The following NFATC1 variants were observed in gnomAD, a reference collection of about 807,000 sequenced individuals.
The protein encoded by NFATC1 is nuclear factor of activated T cells 1, also known as nuclear factor of activated T-cells, cytoplasmic 1.
NFATC1 carries 22 observed loss-of-function variants against 76.0 expected under a neutral mutation model. That is an observed-to-expected ratio of 0.29 (90% CI 0.21 to 0.41). The LOEUF (loss-of-function observed/expected upper bound fraction) is 0.41. Ranked by LOEUF, NFATC1 falls within the 10% of genes least tolerant of loss-of-function variation. The pLI is 1.00. For missense variants in NFATC1, 1,357 were observed against 1,337.7 expected (o/e 1.01, Z -0.23); for synonymous variants, 704 against 613.1 (o/e 1.15, Z -2.19).
At chr18:79,503,320 G>T (rs2090052101) in intron 9 of NFATC1, among the ~76,000 whole-genome samples, 1 of 152,212 alleles carries the variant, frequency 6.6e-6, no homozygotes, top group South Asian at 2.1e-4. Flanking sequence ...GCTGGAGTGT[G>T]TGGCTTCCAG....
rs749770840 is a variant in NFATC1, at chr18:79,410,220, T to C, written c.128-183T>C. 1.0e-6 allele frequency: 1 copy of C among 953,604 alleles called. No individual in the cohort carries two copies. The highest frequency in any genetic ancestry group is 1.6e-6 in the Non-Finnish European group (1 of 618,650). 59.1% of individuals were successfully genotyped at this position (953,604 alleles called of 1,614,324 possible). ...GGGAGCCTTGTTGGCCAGGTGGGAC[T>C]GGGGCTGTCACTCCAAGTCGCCCGG... is the stretch of plus-strand genomic sequence containing the variant. On this transcript the variant is annotated intron_variant, in intron 1 of 9. Transcript: ENST00000427363. This position sits in a 1 kb window ranked among gnomAD's most constrained non-coding sequence, Gnocchi z 6.7.
rs1043675278 is a variant in NFATC1, at chr18:79,410,145, G to A, written c.128-258G>A. On this transcript the variant is annotated intron_variant, in intron 1 of 9. Coordinates refer to ENST00000427363, the MANE Select transcript of NFATC1 (RefSeq NM_001278669.2). The surrounding 1 kb of genome is among the most constrained non-coding windows in gnomAD (Gnocchi z 6.7). ...CTCTCCCTGGGAAGGACGTTCGGGGGCTTGTGCTGCTGTTAGGGGAGGAGG... is the reference window on the plus strand; with the variant it reads ...CTCTCCCTGGGAAGGACGTTCGGGGACTTGTGCTGCTGTTAGGGGAGGAGG... 3.9e-6 allele frequency: 3 copies of A among 759,768 alleles called. No homozygotes were observed. The highest frequency in any genetic ancestry group is 1.7e-5 in the African/African-American group (1 of 59,026). 47.1% of individuals were successfully genotyped at this position (759,768 alleles called of 1,614,324 possible). A position where few individuals can be genotyped will look rare whatever the true frequency, so the allele number is the denominator to read the frequency against.
At chr18:79,399,829 G>C (rs2085124765) in intron 1 of NFATC1, among the ~76,000 whole-genome samples, 1 of 152,130 alleles carries the variant, frequency 6.6e-6, no homozygotes, top group South Asian at 2.1e-4. Context: ...CGGCACCGTC[G>C]GGCTGAAATC....
At chr18:79,400,361 G>A (rs2085155077) in intron 1 of NFATC1, 2 of 1,284,210 alleles carry the variant, frequency 1.6e-6, no homozygotes, top group Non-Finnish European at 1.0e-6. Context: ...CCGCGACCCC[G>A]GCTCCCGCCC....
At chr18:79,513,965 C>A (rs1569046050) in intron 9 of NFATC1, among the ~76,000 whole-genome samples, 1 of 152,234 alleles carries the variant, frequency 6.6e-6, no homozygotes. Context: ...GCTGGCCGCT[C>A]ACTGTGCTTC....
rs967964287 is a variant in NFATC1, at chr18:79,489,777, G to A, written c.2782+2840G>A. 8.5e-5 allele frequency among the ~76,000 whole-genome samples: 13 copies of A among 152,202 alleles called. No individual in the cohort carries two copies. In the South Asian group the frequency reaches 1.0e-3, roughly 12 times the overall value. On this transcript the variant is annotated intron_variant, in intron 9 of 9. Transcript: ENST00000427363. ...TCCTGGGACCTTGAGCACAGACCCC[G>A]AGCGCCAGCCCTGCACACTGTTCTG... is the stretch of plus-strand genomic sequence containing the variant.
chr18:79,467,208 G>A (rs1231140436), intron 7 of NFATC1, among the ~76,000 whole-genome samples: 1 of 152,236 alleles, frequency 6.6e-6, no homozygotes, highest in Non-Finnish European at 1.5e-5. Context: ...TGTGCAGGTG[G>A]CACAGAGCAT....
At chr18:79,437,475 C>A (rs1434465018) in intron 3 of NFATC1, among the ~76,000 whole-genome samples, 1 of 148,802 alleles carries the variant, frequency 6.7e-6, no homozygotes, top group African/African-American at 2.5e-5. Flanking sequence ...GTGGGCCGGT[C>A]TGGATCTGCC....
intron 3 of NFATC1, among the ~76,000 whole-genome samples, chr18:79,447,274 C>G (rs1028758511): frequency 6.6e-6 from 1 of 152,238 alleles, no homozygotes; most frequent in East Asian, 1.9e-4. Flanking sequence ...TCCGCCGTCC[C>G]CTGGCCCGGG....
rs557954902 is a variant in NFATC1, at chr18:79,518,508, G to A, written c.2783-9020G>A. Reference sequence around the variant, plus strand: ...GGAAGTGCCTGGCACCCCCCCTCTCGCTCGTGAAAGATGCAGATCAGAGCA... The same window carrying A: ...GGAAGTGCCTGGCACCCCCCCTCTCACTCGTGAAAGATGCAGATCAGAGCA... On this transcript the variant is annotated intron_variant, in intron 9 of 9. Coordinates refer to ENST00000427363, the MANE Select transcript of NFATC1 (RefSeq NM_001278669.2). Among the ~76,000 whole-genome samples the A allele has an allele frequency of 2.3e-3, 348 of 152,242 alleles. 1 individual carries two copies. The highest frequency in any genetic ancestry group is 7.7e-3 in the African/African-American group (320 of 41,554).
intron 9 of NFATC1, among the ~76,000 whole-genome samples, chr18:79,487,175 T>C (rs1600895878): frequency 6.6e-6 from 1 of 152,004 alleles, no homozygotes; most frequent in African/African-American, 2.4e-5. Flanking sequence ...CCTTGGCGGG[T>C]CCTGGGCTGC....
At chr18:79,415,304 A>T (rs1568932302) in intron 2 of NFATC1, among the ~76,000 whole-genome samples, 1 of 152,022 alleles carries the variant, frequency 6.6e-6, no homozygotes, top group Non-Finnish European at 1.5e-5. Flanking sequence ...TTTTTTTGAG[A>T]TGGAGTCTCG....
intron 9 of NFATC1, among the ~76,000 whole-genome samples, chr18:79,498,536 G>A (rs911153651): frequency 1.3e-5 from 2 of 152,214 alleles, no homozygotes; most frequent in Non-Finnish European, 2.9e-5. Flanking sequence ...AAGCCTCAGA[G>A]CATGTGAGAT....
chr18:79,435,355 T>G (rs11874534), intron 3 of NFATC1, among the ~76,000 whole-genome samples: 6 of 142,682 alleles, frequency 4.2e-5, no homozygotes, highest in Non-Finnish European at 7.7e-5. Flanking sequence ...TTTGTTTGTT[T>G]TTTTTTTTTT....
chr18:79,449,076 C>A, intron 4 of NFATC1, 92 bp downstream of exon 4: 1 of 1,271,226 alleles, frequency 7.9e-7, no homozygotes, highest in Non-Finnish European at 1.1e-6. Flanking sequence ...CAGCCCCCCG[C>A]ACTTCCAGGC....
intron 6 of NFATC1, among the ~76,000 whole-genome samples, chr18:79,458,743 C>T (rs1432938404): frequency 6.6e-6 from 1 of 152,240 alleles, no homozygotes; most frequent in African/African-American, 2.4e-5. Flanking sequence ...CGGGGGCCGG[C>T]GCTGCCCGTC....
In NFATC1 at chr18:79,458,290, CGGCACGAGGACGCCGCGGGGAGCAG is replaced by C. The variant is rs1016841434; in HGVS notation, c.1904-3010_1904-2986del. ...GGGCATGAGGATGCTGTGGGGTGCA[CGGCACGAGGACGCCGCGGGGAGCAG>C]GGCACGAGGATGCTTTGGGGAGCAG... On this transcript the variant is annotated intron_variant, in intron 6 of 9. Transcript: ENST00000427363. Among the ~76,000 whole-genome samples the C allele has an allele frequency of 2.0e-4, 30 of 151,340 alleles. 1 individual carries two copies. In the South Asian group the frequency reaches 6.0e-3, roughly 30 times the overall value.
chr18:79,451,232 C>T (rs550586430), intron 5 of NFATC1, 106 bp downstream of exon 5: 10 of 1,342,316 alleles, frequency 7.4e-6, no homozygotes, highest in East Asian at 7.1e-5. Context: ...TGGGACTGAA[C>T]GGTTCCCACC....
intron 9 of NFATC1, among the ~76,000 whole-genome samples, chr18:79,501,053 A>C (rs959327509): frequency 1.4e-4 from 21 of 152,156 alleles, no homozygotes; most frequent in African/African-American, 4.8e-4. Context: ...AATATTCTTT[A>C]TGAACACAGG....
Sources: gnomAD v4.1 joint callset for allele counts (sites outside exome capture counted in the v4.1 genomes callset) on GRCh38, gnomAD v4.1.1 for gene constraint, Gnocchi (gnomAD v3.1) non-coding constraint, MANE v1.5 for transcripts, NCBI Gene and HGNC (gene_info 2026-07-23, HGNC 2026-07-21) for gene names.